The following SEMA3A variants were observed in gnomAD, a reference collection of about 807,000 sequenced individuals.
The protein encoded by SEMA3A is semaphorin 3A, also known as semaphorin-3A.
SEMA3A carries 29 observed loss-of-function variants against 97.9 expected under a neutral mutation model. The ratio of observed to expected loss-of-function variants is 0.30; its 90% CI spans 0.22 to 0.40. The LOEUF (loss-of-function observed/expected upper bound fraction) is 0.40, where lower values mean the gene tolerates loss of function less well. Among genes scored for constraint, SEMA3A ranks in the 10% least tolerant of loss-of-function variants. The pLI is 1.00. For missense variants in SEMA3A, 763 were observed against 951.3 expected (o/e 0.80, Z 2.60); for synonymous variants, 321 against 323.7 (o/e 0.99, Z 0.09).
chr7:84,220,366 A>C (rs1344557286), intron 3 of SEMA3A, among the ~76,000 whole-genome samples: 1 of 152,040 alleles, frequency 6.6e-6, no homozygotes, highest in East Asian at 1.9e-4. Flanking sequence ...ATCCATGAGG[A>C]TTGGAATCGA....
At chr7:84,242,135 C>G (rs926366192) in intron 3 of SEMA3A, among the ~76,000 whole-genome samples, 1 of 151,850 alleles carries the variant, frequency 6.6e-6, no homozygotes, top group Non-Finnish European at 1.5e-5. Flanking sequence ...TCAGATGAAA[C>G]TTAAAGTAGT....
chr7:84,183,085 T>C (rs1433744779), intron 1 of SEMA3A, among the ~76,000 whole-genome samples: 2 of 152,210 alleles, frequency 1.3e-5, no homozygotes, highest in Admixed American at 1.3e-4. Context: ...TTAATAGTTA[T>C]TGAATATCTT....
intron 1 of SEMA3A, among the ~76,000 whole-genome samples, chr7:84,144,154 AAATAAT>A (rs895892988): frequency 4.0e-5 from 6 of 151,786 alleles, no homozygotes; most frequent in African/African-American, 1.5e-4. Flanking sequence ...AGATATGAAA[AAATAAT>A]AATAATAATA....
chr7:84,058,439 C>T (rs144822764), intron 5 of SEMA3A, among the ~76,000 whole-genome samples: 275 of 152,094 alleles, frequency 1.8e-3, no homozygotes, highest in Middle Eastern at 3.4e-3. Context: ...AAAATGCCAA[C>T]GAAAACCCAA....
At chr7:84,078,429 G>C (rs117532946) in intron 4 of SEMA3A, among the ~76,000 whole-genome samples, 2,526 of 152,150 alleles carry the variant, frequency 0.017, 25 homozygotes, top group Non-Finnish European at 0.025. Flanking sequence ...GAGCACTGTA[G>C]ACATTTGAGT....
intron 2 of SEMA3A, among the ~76,000 whole-genome samples, chr7:84,362,022 C>T (rs900391257): frequency 2.6e-5 from 4 of 151,830 alleles, no homozygotes; most frequent in African/African-American, 9.7e-5. Flanking sequence ...ATTAATGTTG[C>T]TCATATAGTT....
chr7:84,317,131 T>C (rs1415891127), intron 2 of SEMA3A, among the ~76,000 whole-genome samples: 3 of 152,188 alleles, frequency 2.0e-5, no homozygotes, highest in African/African-American at 7.2e-5. Flanking sequence ...AGTCACAATG[T>C]AGCCTTGAGG....
intron 1 of SEMA3A, among the ~76,000 whole-genome samples, chr7:84,389,195 A>G (rs1803477958): frequency 6.6e-6 from 1 of 152,050 alleles, no homozygotes; most frequent in South Asian, 2.1e-4. Flanking sequence ...TCTGGATTAG[A>G]TAAAAATGGA....
At chr7:84,033,277 T>G (rs998795913) in intron 6 of SEMA3A, among the ~76,000 whole-genome samples, 2 of 152,108 alleles carry the variant, frequency 1.3e-5, no homozygotes, top group African/African-American at 2.4e-5. Flanking sequence ...TATGGAAAAT[T>G]TTTAGGCTGT....
At chr7:84,171,584 T>A (rs1797382593) in intron 1 of SEMA3A, among the ~76,000 whole-genome samples, 1 of 152,166 alleles carries the variant, frequency 6.6e-6, no homozygotes, top group Admixed American at 6.5e-5. Context: ...CAAATTAAGT[T>A]TCTATAGGCA....
chr7:84,006,032 T>C (rs1790652301), intron 10 of SEMA3A, among the ~76,000 whole-genome samples: 1 of 152,192 alleles, frequency 6.6e-6, no homozygotes, highest in Non-Finnish European at 1.5e-5. Context: ...GATTTAGTTA[T>C]GTCACTAATT....
chr7:84,037,416 C>G (rs942385425), intron 6 of SEMA3A, among the ~76,000 whole-genome samples: 1 of 152,066 alleles, frequency 6.6e-6, no homozygotes, highest in Admixed American at 6.6e-5. Flanking sequence ...CAGCCTTGAC[C>G]TCCCAGGCTC....
At chr7:84,124,453 C>T (rs933393008) in intron 3 of SEMA3A, among the ~76,000 whole-genome samples, 1 of 152,126 alleles carries the variant, frequency 6.6e-6, no homozygotes, top group Non-Finnish European at 1.5e-5. Context: ...CACAGCCACT[C>T]ACATCCATTC....
chr7:84,428,946 C>A (rs1052205613), intron 1 of SEMA3A, among the ~76,000 whole-genome samples: 1 of 151,914 alleles, frequency 6.6e-6, no homozygotes, highest in Non-Finnish European at 1.5e-5. Flanking sequence ...CTATAAGAAG[C>A]TACTTTTCAT....
rs187054185 is a variant in SEMA3A at position 84,034,840 on chromosome 7, C to A, written c.667+11484G>T. On this transcript the variant is annotated intron_variant, in intron 6 of 16. Coordinates refer to ENST00000265362, the MANE Select transcript of SEMA3A (RefSeq NM_006080.3). ...CATATGGAGTTGTTTGCGTAGGTAC[C>A]TCATCAAGACTAATAAAGGTTTTTC... 5.3e-5 allele frequency among the ~76,000 whole-genome samples: 8 copies of A among 151,954 alleles called. No homozygotes were observed. The East Asian group carries it at 1.5e-3, about 29-fold the overall frequency.
At chr7:84,134,448 T>A (rs916324277) in intron 2 of SEMA3A, among the ~76,000 whole-genome samples, 1 of 152,228 alleles carries the variant, frequency 6.6e-6, no homozygotes, top group African/African-American at 2.4e-5. Context: ...CAGAGAAATA[T>A]AAATTTATAC....
chr7:83,964,176 C>G (rs1006236833), intron 15 of SEMA3A, among the ~76,000 whole-genome samples: 4 of 152,070 alleles, frequency 2.6e-5, no homozygotes, highest in Non-Finnish European at 5.9e-5. Context: ...CAGCTCAGAT[C>G]AAAAGTACAA....
chr7:84,302,974 A>G (rs1370864363), intron 3 of SEMA3A, among the ~76,000 whole-genome samples: 1 of 152,224 alleles, frequency 6.6e-6, no homozygotes, highest in Non-Finnish European at 1.5e-5. Flanking sequence ...AGAAAAAGAA[A>G]AGAACAGTTT....
At chr7:84,032,802 C>T (rs1021850252) in intron 6 of SEMA3A, among the ~76,000 whole-genome samples, 2 of 151,242 alleles carry the variant, frequency 1.3e-5, no homozygotes, top group Admixed American at 1.3e-4. Context: ...CTAAATAGTA[C>T]AAAAGTTGCT....
Sources: allele counts gnomAD v4.1 joint callset (sites outside exome capture counted in the v4.1 genomes callset), GRCh38; gene constraint gnomAD v4.1.1; transcripts MANE v1.5; gene names NCBI Gene and HGNC (gene_info 2026-07-23, HGNC 2026-07-21).